MYO6: variants seen among roughly 807,000 people sequenced by gnomAD.
The protein encoded by MYO6 is unconventional myosin-VI.
In MYO6, 74 loss-of-function variants were observed where a neutral mutation model predicts 178.7. That is an observed-to-expected ratio of 0.41 (90% CI 0.34 to 0.50). The LOEUF (loss-of-function observed/expected upper bound fraction) is 0.50. Among genes scored for constraint, MYO6 ranks in the 20% least tolerant of loss-of-function variants. The pLI is 0.09. For missense variants in MYO6, 1,330 were observed against 1,547.4 expected (o/e 0.86, Z 2.36); for synonymous variants, 477 against 504.6 (o/e 0.95, Z 0.73).
intron 5 of MYO6, among the ~76,000 whole-genome samples, chr6:75,831,881 C>T (rs1773130166): frequency 6.7e-6 from 1 of 149,848 alleles, no homozygotes; most frequent in Admixed American, 6.6e-5. Flanking sequence ...CAGAGAGATA[C>T]CCTGTCTCAA....
intron 16 of MYO6, among the ~76,000 whole-genome samples, chr6:75,865,507 G>T (rs1254348265): frequency 3.3e-5 from 5 of 151,536 alleles, no homozygotes; most frequent in Non-Finnish European, 7.4e-5. Flanking sequence ...GGGACTGCAG[G>T]CCTGCTCCAC....
intron 16 of MYO6, among the ~76,000 whole-genome samples, chr6:75,865,939 G>T (rs535914152): frequency 1.3e-5 from 2 of 152,114 alleles, no homozygotes; most frequent in Admixed American, 1.3e-4. Flanking sequence ...ATGGGCTTTG[G>T]GATGTTTAAA....
rs771395630 is a variant in MYO6 at position 75,817,632 on chromosome 6, T to A, written c.85T>A (p.Leu29Ile). ...GNIVDIGPDS[L>I]TIEPLNQKGK... ...TATTGTGGATATTGGCCCCGACAGCTTAACAATTGAACCCTTGAATCAGAA... is the reference window on the plus strand; with the variant it reads ...TATTGTGGATATTGGCCCCGACAGCATAACAATTGAACCCTTGAATCAGAA... Residue 29 changes from leucine (L) to isoleucine (I), a missense_variant, in exon 2 of 35, where the codon TTA becomes ATA. Physicochemically the swap from Leu to Ile is conservative, Grantham distance 5 (BLOSUM62 2). This residue lies in a region of MYO6 where 116 missense variants were observed against 104.6 expected (regional missense o/e 1.11). Transcript: ENST00000369977. 6.2e-7 allele frequency: 1 copy of A among 1,614,180 alleles called. No individual in the cohort carries two copies. Among genetic ancestry groups the A allele is most frequent in the South Asian group, 1.1e-5 (1 of 91,080 alleles).
chr6:75,810,222 G>A (rs61620194), intron 1 of MYO6, among the ~76,000 whole-genome samples: 5,650 of 152,034 alleles, frequency 0.037, 230 homozygotes, highest in East Asian at 0.15. Context: ...AGGTAATCTC[G>A]CCCAGATCCA....
At chr6:75,830,294 T>C in intron 4 of MYO6, 122 bp from the exon 5 acceptor site, 1 of 803,762 alleles carries the variant, frequency 1.2e-6, no homozygotes, top group Non-Finnish European at 2.0e-6. Context: ...TAGGACTGAT[T>C]TGGGAGTCTT....
intron 4 of MYO6, among the ~76,000 whole-genome samples, chr6:75,829,482 G>A (rs1390646283): frequency 6.6e-6 from 1 of 151,736 alleles, no homozygotes; most frequent in African/African-American, 2.4e-5. Context: ...CTATCAGTTT[G>A]CCTAATTGTA....
At chr6:75,854,182 G>A (rs911719269) in intron 11 of MYO6, among the ~76,000 whole-genome samples, 2 of 147,388 alleles carry the variant, frequency 1.4e-5, no homozygotes, top group South Asian at 4.4e-4. Flanking sequence ...CCCTGTGCAA[G>A]CACACAAAAA....
At chr6:75,897,538 T>A (rs1266222563) in intron 29 of MYO6, among the ~76,000 whole-genome samples, 1 of 152,148 alleles carries the variant, frequency 6.6e-6, no homozygotes, top group East Asian at 1.9e-4. Flanking sequence ...TTGGCAGGCA[T>A]TCAGGAAATT....
chr6:75,810,083 CAAAA>C (rs60265510), intron 1 of MYO6, among the ~76,000 whole-genome samples: 26 of 77,018 alleles, frequency 3.4e-4, no homozygotes, highest in African/African-American at 9.4e-4. Context: ...GACTCTGTCT[CAAAA>C]AAAAAAAAAA....
chr6:75,771,659 A>C (rs375683124), intron 1 of MYO6, among the ~76,000 whole-genome samples: 2 of 152,164 alleles, frequency 1.3e-5, no homozygotes, highest in East Asian at 3.8e-4. Context: ...CTTTCTGAAT[A>C]ATTATTTACA....
rs1297852041 is a variant in MYO6 at position 75,918,033 on chromosome 6, T to C, written c.*3021T>C. ...AACAGATCCAGAGAGGTCAAGTAAT[T>C]TAGTTGTAGACTGAAAAATATATCA... On this transcript the variant is annotated 3_prime_UTR_variant, in exon 35 of 35. Transcript: ENST00000369977. 1 of 152,366 alleles carries C rather than the reference T, an allele frequency of 6.6e-6. No individual in the cohort carries two copies. Among genetic ancestry groups the C allele is most frequent in the South Asian group, 2.1e-4 (1 of 4,832 alleles). 9.4% of individuals were successfully genotyped at this position (152,366 alleles called of 1,614,324 possible).
At chr6:75,851,461 CTTT>C (rs1775257219) in intron 11 of MYO6, among the ~76,000 whole-genome samples, 1 of 151,938 alleles carries the variant, frequency 6.6e-6, no homozygotes, top group South Asian at 2.1e-4. Flanking sequence ...GAAGTGATTT[CTTT>C]TTTCCCTAGG....
Position 75,891,349 on chromosome 6 carries a change from C to A in MYO6, c.2946+43C>A. The A allele has an allele frequency of 2.7e-6, 4 of 1,468,298 alleles. No individual in the cohort carries two copies. The South Asian group carries it at 3.5e-5, about 13-fold the overall frequency. 91.0% of individuals were successfully genotyped at this position (1,468,298 alleles called of 1,614,324 possible). A position where few individuals can be genotyped will look rare whatever the true frequency, so the allele number is the denominator to read the frequency against. Reference sequence around the variant, plus strand: ...TGAATTTCTATTAAAATGGAACCTACAGGCTGGGTGTGGTGGCTCATGCCT... The same window carrying A: ...TGAATTTCTATTAAAATGGAACCTAAAGGCTGGGTGTGGTGGCTCATGCCT... On this transcript the variant is annotated intron_variant, in intron 27 of 34. Coordinates refer to ENST00000369977, the MANE Select transcript of MYO6 (RefSeq NM_004999.4).
intron 10 of MYO6, among the ~76,000 whole-genome samples, chr6:75,846,134 A>G (rs1362504378): frequency 6.6e-6 from 1 of 151,982 alleles, no homozygotes; most frequent in Non-Finnish European, 1.5e-5. Context: ...ATTATTTTTA[A>G]CACATTAAGT....
intron 1 of MYO6, among the ~76,000 whole-genome samples, chr6:75,806,939 C>T (rs1337670892): frequency 6.6e-6 from 1 of 152,056 alleles, no homozygotes; most frequent in African/African-American, 2.4e-5. Context: ...TCTTTAATTC[C>T]TCTAGTGCCA....
chr6:75,859,480 A>G (rs909369592), intron 14 of MYO6, among the ~76,000 whole-genome samples: 1 of 150,982 alleles, frequency 6.6e-6, no homozygotes, highest in East Asian at 2.0e-4. Context: ...TTGTATTTTT[A>G]GTAGAGACAG....
chr6:75,911,869 T>G (rs912827517), intron 33 of MYO6, among the ~76,000 whole-genome samples, 171 bp downstream of exon 33: 3 of 152,148 alleles, frequency 2.0e-5, no homozygotes, highest in African/African-American at 7.2e-5. Context: ...GATGCTTTAT[T>G]TGGATCACTC....
intron 1 of MYO6, among the ~76,000 whole-genome samples, chr6:75,793,640 T>G (rs1343666112): frequency 6.6e-6 from 1 of 152,046 alleles, no homozygotes; most frequent in Non-Finnish European, 1.5e-5. Flanking sequence ...TGTAAAATTG[T>G]CAGATTAATA....
rs541223190 is a variant in MYO6, at chr6:75,767,073, T to C, written c.-48+17650T>C. Among the ~76,000 whole-genome samples, 19 of 152,202 alleles carry C rather than the reference T, an allele frequency of 1.2e-4. No individual in the cohort carries two copies. In the East Asian group the frequency reaches 3.7e-3, roughly 29 times the overall value. On this transcript the variant is annotated intron_variant, in intron 1 of 34. Transcript: ENST00000369977. ...TGGAGTCTTGCTCTGTCGCCCAGGC[T>C]GGAGTGCAGTGGCACAATCTTGGCT...
Sources: allele counts gnomAD v4.1 joint callset (sites outside exome capture counted in the v4.1 genomes callset), GRCh38; gene constraint gnomAD v4.1.1; regional missense constraint gnomAD v4.1.1; transcripts MANE v1.5; gene names NCBI Gene and HGNC (gene_info 2026-07-23, HGNC 2026-07-21).